The following POU2F1 variants were observed in gnomAD, a reference collection of about 807,000 sequenced individuals.
POU2F1 encodes POU class 2 homeobox 1.
Under a neutral mutation model 84.9 loss-of-function variants are expected in POU2F1, and 16 were observed. The ratio of observed to expected loss-of-function variants is 0.19; its 90% CI spans 0.13 to 0.29. The LOEUF is 0.29. Among genes scored for constraint, POU2F1 ranks in the 10% least tolerant of loss-of-function variants. The pLI, the probability that POU2F1 is intolerant of heterozygous loss-of-function variation, is 1.00. For missense variants in POU2F1, 738 were observed against 942.6 expected, an observed-to-expected ratio of 0.78 and a Z score of 2.84; for synonymous variants, 368 against 368.3, an observed-to-expected ratio of 1.00 and a Z score of 0.01.
chr1:167,388,988 A>G (rs1248476295), intron 8 of POU2F1, among the ~76,000 whole-genome samples: 1 of 152,218 alleles, frequency 6.6e-6, no homozygotes, highest in East Asian at 1.9e-4. Flanking sequence ...AAAAGCAGAG[A>G]GTAAAATTTT....
At chr1:167,320,568 A>G (rs534408455) in intron 1 of POU2F1, among the ~76,000 whole-genome samples, 10 of 152,340 alleles carry the variant, frequency 6.6e-5, no homozygotes, top group African/African-American at 2.2e-4. Flanking sequence ...TTCCAGGATC[A>G]TATCCATGTA....
intron 1 of POU2F1, among the ~76,000 whole-genome samples, chr1:167,234,915 A>G (rs1649340066): frequency 6.6e-6 from 1 of 152,196 alleles, no homozygotes; most frequent in African/African-American, 2.4e-5. Context: ...TTGTCAAATG[A>G]GTTGTGACTT....
At chr1:167,411,817 G>A (rs1649984886) in intron 13 of POU2F1, 142 bp from the exon 14 acceptor site, 2 of 738,782 alleles carry the variant, frequency 2.7e-6, no homozygotes, top group Admixed American at 3.0e-5. Flanking sequence ...TTCCATAAAA[G>A]CACTAAACTA....
At chr1:167,229,084 C>G (rs1279099278) in intron 1 of POU2F1, among the ~76,000 whole-genome samples, 7 of 151,764 alleles carry the variant, frequency 4.6e-5, no homozygotes, top group Admixed American at 4.6e-4. Context: ...CTTTGGGGCT[C>G]TATTGTGGAG....
At chr1:167,256,133 T>C (rs1245138392) in intron 1 of POU2F1, among the ~76,000 whole-genome samples, 2 of 152,322 alleles carry the variant, frequency 1.3e-5, no homozygotes, top group East Asian at 3.9e-4. Context: ...AAAGATTCTT[T>C]GTGCTTAAAC....
At chr1:167,370,045 T>G in intron 3 of POU2F1, 116 bp from the exon 4 acceptor site, 1 of 841,182 alleles carries the variant, frequency 1.2e-6, no homozygotes, top group Non-Finnish European at 1.7e-6. Context: ...TAAGACAAAC[T>G]TCTTTGTCTT....
chr1:167,231,840 G>A (rs1030427549), intron 1 of POU2F1, among the ~76,000 whole-genome samples: 12 of 152,194 alleles, frequency 7.9e-5, no homozygotes, highest in Non-Finnish European at 1.3e-4. Context: ...TGTGAAAGAT[G>A]AATAGGAATT....
chr1:167,359,231 A>G (rs1015982928), intron 2 of POU2F1, among the ~76,000 whole-genome samples: 1 of 151,930 alleles, frequency 6.6e-6, no homozygotes, highest in East Asian at 1.9e-4. Context: ...GTAGGGGGTA[A>G]ATGCACAGGT....
rs755358860 is a variant in POU2F1, at chr1:167,417,807, C to T, written c.*1997C>T. 1 of 152,216 alleles carries T rather than the reference C, an allele frequency of 6.6e-6. No homozygotes were observed. Among genetic ancestry groups the T allele is most frequent in the Non-Finnish European group, 1.5e-5 (1 of 68,046 alleles). 9.4% of individuals were successfully genotyped at this position (152,216 alleles called of 1,614,324 possible). A position where few individuals can be genotyped will look rare whatever the true frequency, so the allele number is the denominator to read the frequency against. On this transcript the variant is annotated 3_prime_UTR_variant, in exon 16 of 16. Coordinates refer to ENST00000367866, the MANE Select transcript of POU2F1 (RefSeq NM_002697.4). The stretch of plus-strand genomic sequence containing the variant: ...TGTCCAGTAAGGCAGTAAATACAGA[C>T]ACAATGTGTACTTTTGTGTGTGATT...
chr1:167,396,164 A>G lies in POU2F1; in HGVS notation c.988-122A>G, dbSNP rs567042656. ...AGTTTATGTGGGACCCCGTAAGTGGAATAATTACTGACTCCTTGTCTAAAG... is the reference window on the plus strand; with the variant it reads ...AGTTTATGTGGGACCCCGTAAGTGGGATAATTACTGACTCCTTGTCTAAAG... On this transcript the variant is annotated intron_variant, in intron 9 of 15. Transcript: ENST00000367866. 2.9e-5 allele frequency: 34 copies of G among 1,155,834 alleles called. No homozygotes were observed. In the African/African-American group the frequency reaches 4.0e-4, roughly 14 times the overall value. The allele number at this position is 1,155,834 out of a possible 1,614,324, so 71.6% of individuals were successfully genotyped here.
chr1:167,322,603 C>T (rs753369245), intron 1 of POU2F1, among the ~76,000 whole-genome samples: 59 of 152,290 alleles, frequency 3.9e-4, no homozygotes, highest in South Asian at 8.3e-4. Context: ...CCGGTTTGGG[C>T]GCTACTTGCC....
At chr1:167,411,786 A>G (rs1250904857) in intron 13 of POU2F1, among the ~76,000 whole-genome samples, 173 bp from the exon 14 acceptor site, 2 of 152,158 alleles carry the variant, frequency 1.3e-5, no homozygotes, top group African/African-American at 2.4e-5. Flanking sequence ...TGATCCTAAA[A>G]TGTTTGGTTT....
At chr1:167,392,427 A>AT (rs1302715047) in intron 9 of POU2F1, among the ~76,000 whole-genome samples, 2 of 152,178 alleles carry the variant, frequency 1.3e-5, no homozygotes, top group African/African-American at 4.8e-5. Context: ...CAAAGCTGAA[A>AT]TAAGTATAAG....
At chr1:167,363,013 C>T (rs1243428211) in intron 2 of POU2F1, among the ~76,000 whole-genome samples, 1 of 152,112 alleles carries the variant, frequency 6.6e-6, no homozygotes. Flanking sequence ...AATGTAAGAA[C>T]ATTTTACAAT....
At chr1:167,391,814 T>G (rs1280609116) in intron 9 of POU2F1, among the ~76,000 whole-genome samples, 1 of 151,418 alleles carries the variant, frequency 6.6e-6, no homozygotes, top group Non-Finnish European at 1.5e-5. Flanking sequence ...CCACGTCAGC[T>G]TCCCAAAGTG....
Position 167,419,986 on chromosome 1 carries a change from T to G in POU2F1, c.*4176T>G, listed in dbSNP as rs1167996607. ...AAGCACAACTATACCTCTTTAATGT[T>G]ATTTTCTTCCATTATCCCTCATTTA... is the stretch of plus-strand genomic sequence containing the variant. On this transcript the variant is annotated 3_prime_UTR_variant, in exon 16 of 16. Transcript: ENST00000367866. 1 of 152,338 alleles carries G rather than the reference T, an allele frequency of 6.6e-6. No individual in the cohort carries two copies. The highest frequency in any genetic ancestry group is 1.9e-4 in the East Asian group (1 of 5,184). The allele number at this position is 152,338 out of a possible 1,614,324, so 9.4% of individuals were successfully genotyped here. A position where few individuals can be genotyped will look rare whatever the true frequency, so the allele number is the denominator to read the frequency against.
chr1:167,311,808 A>ATTTT (rs869066181), intron 1 of POU2F1, among the ~76,000 whole-genome samples: 16 of 132,896 alleles, frequency 1.2e-4, no homozygotes, highest in East Asian at 8.1e-4. Flanking sequence ...TTATTTATTT[A>ATTTT]TTTTTTCTTT....
chr1:167,312,329 G>T (rs372348728), intron 1 of POU2F1, among the ~76,000 whole-genome samples: 2 of 150,670 alleles, frequency 1.3e-5, no homozygotes, highest in African/African-American at 4.9e-5. Flanking sequence ...CCACCTCCCG[G>T]TCTCCTGCCT....
At chr1:167,329,414 G>C (rs925645736) in intron 1 of POU2F1, 4 of 1,339,244 alleles carry the variant, frequency 3.0e-6, no homozygotes, top group East Asian at 2.7e-5. Context: ...TGGCGGGGGA[G>C]GGGGAGAGTT....
Sources: allele counts gnomAD v4.1 joint callset (sites outside exome capture counted in the v4.1 genomes callset), GRCh38; gene constraint gnomAD v4.1.1; transcripts MANE v1.5; gene names NCBI Gene and HGNC (gene_info 2026-07-23, HGNC 2026-07-21).